Variants in C17orf78 observed in about 807,000 individuals in gnomAD.
C17orf78 encodes chromosome 17 open reading frame 78.
C17orf78 carries 27 observed loss-of-function variants against 31.8 expected under a neutral mutation model. The ratio of observed to expected loss-of-function variants is 0.85; its 90% CI spans 0.63 to 1.17. The LOEUF (loss-of-function observed/expected upper bound fraction) is 1.17, where lower values mean the gene tolerates loss of function less well. Ranked by LOEUF, C17orf78 falls within the 50% of genes most tolerant of loss-of-function variation. C17orf78 has a pLI of 0.00. For missense variants in C17orf78, 258 were observed against 315.2 expected (o/e 0.82, Z 1.37); for synonymous variants, 106 against 115.1 (o/e 0.92, Z 0.51).
chr17:37,389,679 T>C (rs1343607001), intron 6 of C17orf78, among the ~76,000 whole-genome samples: 2 of 151,152 alleles, frequency 1.3e-5, no homozygotes, highest in Non-Finnish European at 2.9e-5. Context: ...AGAGTAAGAC[T>C]CTGTCTCAAA....
chr17:37,388,428 T>A (rs2050644557), intron 4 of C17orf78, among the ~76,000 whole-genome samples: 1 of 152,078 alleles, frequency 6.6e-6, no homozygotes, highest in Non-Finnish European at 1.5e-5. Flanking sequence ...AAATCCCCAA[T>A]TCCAGGGAAG....
chr17:37,379,094 AC>A (rs770240690), intron 2 of C17orf78, 42 bp from the exon 3 acceptor site: 1 of 1,577,538 alleles, frequency 6.3e-7, no homozygotes, highest in South Asian at 1.2e-5. Flanking sequence ...CAAACAAAAA[AC>A]AAAACCAGCT....
rs369482938 is a variant in C17orf78, at chr17:37,391,237, C to CA, written c.751-401dup. Among the ~76,000 whole-genome samples, 1,100 of 149,672 alleles carry CA rather than the reference C, an allele frequency of 7.3e-3. 8 individuals carry two copies. Among genetic ancestry groups the CA allele is most frequent in the African/African-American group, 0.025 (1,032 of 40,812 alleles). ...TCGGTGACAGAGCGAGACTCTGTCT[C>CA]AAAAAAAAATAGTACTAAGATAGCA... On this transcript the variant is annotated intron_variant, in intron 6 of 6. Coordinates refer to ENST00000615133, the MANE Select transcript of C17orf78 (RefSeq NM_173625.5).
intron 3 of C17orf78, among the ~76,000 whole-genome samples, chr17:37,380,834 T>G: frequency 6.6e-6 from 1 of 151,924 alleles, no homozygotes; most frequent in East Asian, 1.9e-4. Context: ...TGACCTCAAG[T>G]ATCTGCCCGC....
chr17:37,378,197 C>T (rs1311323608), intron 2 of C17orf78, among the ~76,000 whole-genome samples: 1 of 152,168 alleles, frequency 6.6e-6, no homozygotes, highest in Admixed American at 6.5e-5. Context: ...GAGGCAGAAC[C>T]TACCCCTCTC....
chr17:37,381,840 G>C (rs1053573394), intron 3 of C17orf78, among the ~76,000 whole-genome samples: 12 of 151,442 alleles, frequency 7.9e-5, no homozygotes, highest in Non-Finnish European at 1.5e-4. Flanking sequence ...TGTTGGCCAG[G>C]ATGGTCTCGA....
chr17:37,377,639 G>A (rs1013333133), intron 1 of C17orf78, among the ~76,000 whole-genome samples: 5 of 150,762 alleles, frequency 3.3e-5, no homozygotes, highest in East Asian at 3.9e-4. Context: ...CATCCTGGGC[G>A]ACAGAGTGAG....
rs1196524870 is a variant in C17orf78 at position 37,392,419 on chromosome 17, A to G, written c.*695A>G. The G allele has an allele frequency of 6.6e-6, 1 of 152,218 alleles. No individual in the cohort carries two copies. Among genetic ancestry groups the G allele is most frequent in the Non-Finnish European group, 1.5e-5 (1 of 68,038 alleles). 9.4% of individuals were successfully genotyped at this position (152,218 alleles called of 1,614,324 possible). ...TGGACAAAGATTCCAGAGCAAAATAATTATGATAATGCTGTTTCTCACAGG... is the reference window on the plus strand; with the variant it reads ...TGGACAAAGATTCCAGAGCAAAATAGTTATGATAATGCTGTTTCTCACAGG... On this transcript the variant is annotated 3_prime_UTR_variant, in exon 7 of 7. Coordinates refer to ENST00000615133, the MANE Select transcript of C17orf78 (RefSeq NM_173625.5).
intron 1 of C17orf78, among the ~76,000 whole-genome samples, chr17:37,376,479 T>C (rs1054080970): frequency 6.6e-6 from 1 of 152,230 alleles, no homozygotes; most frequent in Non-Finnish European, 1.5e-5. Flanking sequence ...AAATTCATAC[T>C]GTTCATAAGA....
chr17:37,381,683 A>T (rs990363594), intron 3 of C17orf78, among the ~76,000 whole-genome samples: 4 of 137,668 alleles, frequency 2.9e-5, no homozygotes, highest in Non-Finnish European at 6.0e-5. Flanking sequence ...GCTGGAGTGC[A>T]GTGGTGCGAT....
chr17:37,391,216 T>C (rs2050870104), intron 6 of C17orf78, among the ~76,000 whole-genome samples: 1 of 152,126 alleles, frequency 6.6e-6, no homozygotes, highest in African/African-American at 2.4e-5. Flanking sequence ...GCAGCCTCGG[T>C]GACAGAGCGA....
chr17:37,382,338 C>T (rs1024041905), intron 3 of C17orf78, among the ~76,000 whole-genome samples: 2 of 151,946 alleles, frequency 1.3e-5, no homozygotes, highest in Non-Finnish European at 2.9e-5. Flanking sequence ...CTTTTCTCAC[C>T]CTTTCTTTTT....
In C17orf78 at chr17:37,379,168, C is replaced by T. The variant is rs748044231; in HGVS notation, c.177C>T (p.Phe59=). The part of the protein sequence containing the change: ...ETHTETKRTT[F]IQNRTIATLQ... Reference sequence around the variant, plus strand: ...ACACAGAAACCAAAAGGACAACATTCATTCAAAACCGGACTATAGCTACCC... The same window carrying T: ...ACACAGAAACCAAAAGGACAACATTTATTCAAAACCGGACTATAGCTACCC... Residue 59 remains phenylalanine, a synonymous_variant, in exon 3 of 7, where the codon TTC becomes TTT. Coordinates refer to ENST00000615133, the MANE Select transcript of C17orf78 (RefSeq NM_173625.5). 3.7e-6 allele frequency: 6 copies of T among 1,613,826 alleles called. No individual in the cohort carries two copies. In the South Asian group the frequency reaches 5.5e-5, roughly 15 times the overall value.
chr17:37,378,977 G>C (rs1363030962), intron 2 of C17orf78, among the ~76,000 whole-genome samples, 160 bp from the exon 3 acceptor site: 1 of 152,090 alleles, frequency 6.6e-6, no homozygotes, highest in Non-Finnish European at 1.5e-5. Context: ...GCTGAGGTGG[G>C]AGGATTGCTT....
intron 6 of C17orf78, among the ~76,000 whole-genome samples, chr17:37,389,983 T>C (rs2050721342): frequency 6.7e-6 from 1 of 148,584 alleles, no homozygotes; most frequent in African/African-American, 2.5e-5. Flanking sequence ...GAGTCAAGAA[T>C]CTTACTTTTA....
At chr17:37,383,110 A>T (rs2050376771) in intron 3 of C17orf78, among the ~76,000 whole-genome samples, 1 of 152,154 alleles carries the variant, frequency 6.6e-6, no homozygotes, top group African/African-American at 2.4e-5. Flanking sequence ...ATTAAATCCA[A>T]TTGTTTCCCT....
chr17:37,389,109 G>A (rs1041552906), intron 5 of C17orf78, 137 bp from the exon 6 acceptor site: 3 of 1,203,388 alleles, frequency 2.5e-6, no homozygotes, highest in Admixed American at 5.7e-5. Context: ...ACATTTTCTA[G>A]GAAGGATAGG....
intron 6 of C17orf78, 108 bp from the exon 7 acceptor site, chr17:37,391,539 C>A: frequency 1.1e-6 from 1 of 930,734 alleles, no homozygotes. Flanking sequence ...AAATGAAGTG[C>A]ACTTGGAATT....
intron 3 of C17orf78, among the ~76,000 whole-genome samples, chr17:37,381,095 A>G (rs1568080195): frequency 6.6e-6 from 1 of 152,072 alleles, no homozygotes. Flanking sequence ...TGCATATTTT[A>G]AAAACATAAA....
Sources: allele counts gnomAD v4.1 joint callset (sites outside exome capture counted in the v4.1 genomes callset), GRCh38; gene constraint gnomAD v4.1.1; transcripts MANE v1.5; gene names NCBI Gene and HGNC (gene_info 2026-07-23, HGNC 2026-07-21).